PTPRO: variants seen among roughly 807,000 people sequenced by gnomAD.
PTPRO encodes the protein receptor-type tyrosine-protein phosphatase O.
PTPRO carries 62 observed loss-of-function variants against 145.2 expected under a neutral mutation model. The ratio of observed to expected loss-of-function variants is 0.43; its 90% CI spans 0.35 to 0.53. The LOEUF (loss-of-function observed/expected upper bound fraction) is 0.53. Among genes scored for constraint, PTPRO ranks in the 20% least tolerant of loss-of-function variants. PTPRO has a pLI of 0.01. For synonymous variants in PTPRO, 565 were observed against 514.7 expected (o/e 1.10, Z -1.32); for missense variants, 1,345 against 1,482.7 (o/e 0.91, Z 1.53).
intron 22 of PTPRO, among the ~76,000 whole-genome samples, chr12:15,581,438 G>A (rs556057078): frequency 6.6e-6 from 1 of 151,800 alleles, no homozygotes; most frequent in East Asian, 1.9e-4. Context: ...AGTAGCTGGG[G>A]CATTCTGAGT....
intron 1 of PTPRO, among the ~76,000 whole-genome samples, chr12:15,445,797 G>A (rs1940886787): frequency 6.6e-6 from 1 of 151,920 alleles, no homozygotes; most frequent in Admixed American, 6.6e-5. Flanking sequence ...TTTCCTTATT[G>A]TAAATTATCT....
At chr12:15,455,315 C>G (rs147752467) in intron 1 of PTPRO, among the ~76,000 whole-genome samples, 13 of 152,184 alleles carry the variant, frequency 8.5e-5, no homozygotes, top group Non-Finnish European at 1.6e-4. Context: ...CCCTTCCCCC[C>G]CACACACACA....
intron 1 of PTPRO, among the ~76,000 whole-genome samples, chr12:15,376,568 T>A (rs1938693937): frequency 6.6e-6 from 1 of 152,184 alleles, no homozygotes; most frequent in South Asian, 2.1e-4. Context: ...TTCAGAATGC[T>A]ATAATAAAAA....
chr12:15,460,890 T>G (rs1332824699), intron 1 of PTPRO, among the ~76,000 whole-genome samples: 1 of 152,186 alleles, frequency 6.6e-6, no homozygotes, highest in East Asian at 1.9e-4. Flanking sequence ...CTAATTTTTC[T>G]TTAATAGATC....
intron 1 of PTPRO, among the ~76,000 whole-genome samples, chr12:15,405,355 G>T (rs1259374158): frequency 6.7e-6 from 1 of 149,376 alleles, no homozygotes; most frequent in Non-Finnish European, 1.5e-5. Context: ...CATTAAGTTT[G>T]TGCCAGCCAA....
chr12:15,378,762 C>A (rs1201533702), intron 1 of PTPRO, among the ~76,000 whole-genome samples: 1 of 151,998 alleles, frequency 6.6e-6, no homozygotes, highest in Non-Finnish European at 1.5e-5. Flanking sequence ...TAAGAAGCTA[C>A]AGAAGGGGAG....
At chr12:15,414,487 T>C (rs1246919415) in intron 1 of PTPRO, among the ~76,000 whole-genome samples, 4 of 152,194 alleles carry the variant, frequency 2.6e-5, no homozygotes, top group Non-Finnish European at 5.9e-5. Context: ...TTTTCTCCCT[T>C]GCCCTAGCTT....
intron 1 of PTPRO, among the ~76,000 whole-genome samples, chr12:15,323,603 G>C (rs1444302406): frequency 6.6e-6 from 1 of 152,122 alleles, no homozygotes; most frequent in East Asian, 1.9e-4. Context: ...ATGTTTTCTT[G>C]GACGGCGATG....
intron 1 of PTPRO, among the ~76,000 whole-genome samples, chr12:15,471,336 G>A (rs1192151131): frequency 6.6e-6 from 1 of 151,984 alleles, no homozygotes; most frequent in Admixed American, 6.6e-5. Flanking sequence ...GCCGAGATCC[G>A]GCCACTGCAC....
chr12:15,514,281 G>A (rs538061626), intron 7 of PTPRO, among the ~76,000 whole-genome samples: 43 of 151,818 alleles, frequency 2.8e-4, no homozygotes, highest in Non-Finnish European at 5.2e-4. Context: ...GCGAAACCTC[G>A]TCTCTACTAA....
chr12:15,577,247 T>G (rs1433560036), intron 19 of PTPRO, among the ~76,000 whole-genome samples: 1 of 152,164 alleles, frequency 6.6e-6, no homozygotes, highest in Non-Finnish European at 1.5e-5. Flanking sequence ...CCAAAAGAGA[T>G]GAGGAATCAA....
rs1944445111 is a variant in PTPRO, at chr12:15,587,065, C to T, written c.3410+14C>T. 1.2e-6 allele frequency: 2 copies of T among 1,613,884 alleles called. No homozygotes were observed. Among genetic ancestry groups the T allele is most frequent in the Non-Finnish European group, 8.5e-7 (1 of 1,179,904 alleles). ...CATTCACTGCAGGTAACCTCATCAACTGCATTTTCTATTAAATATTAGGAG... is the reference window on the plus strand; with the variant it reads ...CATTCACTGCAGGTAACCTCATCAATTGCATTTTCTATTAAATATTAGGAG... On this transcript the variant is annotated intron_variant, in intron 24 of 26. Coordinates refer to ENST00000281171, the MANE Select transcript of PTPRO (RefSeq NM_030667.3).
intron 16 of PTPRO, 35 bp downstream of exon 16, chr12:15,557,558 TTAAC>T: frequency 6.3e-7 from 1 of 1,582,332 alleles, no homozygotes; most frequent in Non-Finnish European, 8.7e-7. Flanking sequence ...TCTACATAGT[TTAAC>T]TATGCTGTGT....
Position 15,506,249 on chromosome 12 carries a change from A to G in PTPRO, c.1267+2180A>G, listed in dbSNP as rs573170900. Reference sequence around the variant, plus strand: ...ACGTTTATGTAGTTCTCTAACACATATTATCTCATTTGATCCCAACAACAA... The same window carrying G: ...ACGTTTATGTAGTTCTCTAACACATGTTATCTCATTTGATCCCAACAACAA... On this transcript the variant is annotated intron_variant, in intron 6 of 26. Coordinates refer to ENST00000281171, the MANE Select transcript of PTPRO (RefSeq NM_030667.3). 9.8e-5 allele frequency among the ~76,000 whole-genome samples: 15 copies of G among 152,312 alleles called. No individual in the cohort carries two copies. In the South Asian group the frequency reaches 1.9e-3, roughly 19 times the overall value.
At chr12:15,420,754 T>C (rs1940121315) in intron 1 of PTPRO, among the ~76,000 whole-genome samples, 1 of 152,228 alleles carries the variant, frequency 6.6e-6, no homozygotes, top group Non-Finnish European at 1.5e-5. Flanking sequence ...TTTCAGTACT[T>C]ATTGTTCTGT....
chr12:15,382,178 T>TATATATATATATATATATATA (rs1565597910), intron 1 of PTPRO, among the ~76,000 whole-genome samples: 1 of 133,218 alleles, frequency 7.5e-6, no homozygotes, highest in African/African-American at 3.3e-5. Context: ...ATATATATAT[T>TATATATATATATATATATATA]TATATTTATA....
Position 15,506,121 on chromosome 12 carries a change from A to G in PTPRO, c.1267+2052A>G, listed in dbSNP as rs543311601. ...CCTTGGGTTGATTATCAAGTCAGTCATAAGGTAAAACTATTAAATAATTGA... is the reference window on the plus strand; with the variant it reads ...CCTTGGGTTGATTATCAAGTCAGTCGTAAGGTAAAACTATTAAATAATTGA... On this transcript the variant is annotated intron_variant, in intron 6 of 26. Transcript: ENST00000281171. Among the ~76,000 whole-genome samples, 144 of 152,368 alleles carry G rather than the reference A, an allele frequency of 9.5e-4. 1 individual carries two copies. The highest frequency in any genetic ancestry group is 1.0e-3 in the Non-Finnish European group (68 of 68,036).
Position 15,504,015 on chromosome 12 carries a change from G to C in PTPRO, c.1213G>C (p.Gly405Arg). 6.2e-7 allele frequency: 1 copy of C among 1,612,772 alleles called. No individual in the cohort carries two copies. ...KLSVTTFSSSGSCETRKSQSA... is the reference protein window; with the variant it reads ...KLSVTTFSSSRSCETRKSQSA... ...ATCTGTGACAACCTTTAGTTCCTCA[G>C]GATCTTGTGAAACTCGAAAAAGTCA... is the stretch of plus-strand genomic sequence containing the variant. The change falls in exon 6 of 27, where the codon GGA (glycine) becomes CGA (arginine). Residue 405 changes from glycine to arginine, a missense_variant. By Grantham distance (125) the Gly-to-Arg change is moderately radical. This residue lies in a region of PTPRO where 1,130 missense variants were observed against 1,214.7 expected (regional missense o/e 0.93). Coordinates refer to ENST00000281171, the MANE Select transcript of PTPRO (RefSeq NM_030667.3).
At chr12:15,504,992 G>A (rs1942293430) in intron 6 of PTPRO, among the ~76,000 whole-genome samples, 1 of 152,220 alleles carries the variant, frequency 6.6e-6, no homozygotes. Flanking sequence ...TTTATCAGAT[G>A]CGTAGAAAGG....
Sources: gnomAD v4.1 joint callset for allele counts (sites outside exome capture counted in the v4.1 genomes callset) on GRCh38, gnomAD v4.1.1 for gene constraint, gnomAD v4.1.1 regional missense constraint, MANE v1.5 for transcripts, NCBI Gene and HGNC (gene_info 2026-07-23, HGNC 2026-07-21) for gene names.